The following XRN1 variants were observed in gnomAD, a reference collection of about 807,000 sequenced individuals.
XRN1 encodes strand-exchange protein 1 homolog.
Under a neutral mutation model 222.3 loss-of-function variants are expected in XRN1, and 67 were observed. That is an observed-to-expected ratio of 0.30 (90% confidence interval 0.25 to 0.37). XRN1 has a LOEUF of 0.37. Among genes scored for constraint, XRN1 ranks in the 10% least tolerant of loss-of-function variants. The pLI is 1.00. For synonymous variants in XRN1, 643 were observed against 652.4 expected (o/e 0.99, Z 0.22); for missense variants, 1,707 against 2,000.2 (o/e 0.85, Z 2.80).
At chr3:142,361,590 T>G (rs549312841) in intron 29 of XRN1, among the ~76,000 whole-genome samples, 10 of 152,350 alleles carry the variant, frequency 6.6e-5, no homozygotes, top group African/African-American at 2.4e-4. Context: ...CCCTATATCA[T>G]TGTCAACACT....
chr3:142,313,883 T>C (rs1305617759), intron 39 of XRN1, among the ~76,000 whole-genome samples: 1 of 152,126 alleles, frequency 6.6e-6, no homozygotes, highest in African/African-American at 2.4e-5. Flanking sequence ...GAGGTTGCAG[T>C]GAGCCAAGAT....
At chr3:142,385,570 G>A (rs911807982) in intron 20 of XRN1, among the ~76,000 whole-genome samples, 5 of 152,072 alleles carry the variant, frequency 3.3e-5, no homozygotes, top group East Asian at 3.9e-4. Context: ...CTGCTTTTGC[G>A]CTACATGGTA....
chr3:142,401,579 G>A (rs938360268), intron 18 of XRN1, among the ~76,000 whole-genome samples: 3 of 152,038 alleles, frequency 2.0e-5, no homozygotes, highest in African/African-American at 4.8e-5. Flanking sequence ...TTGGCCAAGC[G>A]TGGTGACAGG....
intron 39 of XRN1, among the ~76,000 whole-genome samples, chr3:142,316,850 T>C (rs2065223783): frequency 6.6e-6 from 1 of 152,100 alleles, no homozygotes. Flanking sequence ...GGAGGACTGC[T>C]TGAGTCCACG....
rs566554014 is a variant in XRN1, at chr3:142,369,929, C to G, written c.3204+556G>C. 1.2e-4 allele frequency among the ~76,000 whole-genome samples: 18 copies of G among 151,630 alleles called. No homozygotes were observed. In the South Asian group the frequency reaches 2.1e-3, roughly 18 times the overall value. On this transcript the variant is annotated intron_variant, in intron 27 of 40. Coordinates refer to ENST00000392981, the MANE Select transcript of XRN1 (RefSeq NM_001282857.2). ...GGGTATGGTGGCAGGCGCCTGTAAT[C>G]CCAGCTACTCAGGAGGCTGAGGCAG... is the stretch of plus-strand genomic sequence containing the variant.
chr3:142,367,495 T>C (rs1261716974), intron 27 of XRN1, among the ~76,000 whole-genome samples: 2 of 152,164 alleles, frequency 1.3e-5, no homozygotes, highest in African/African-American at 2.4e-5. Flanking sequence ...ACCAGTAATT[T>C]TGATAATTAG....
rs748535037 is a variant in XRN1 at position 142,329,543 on chromosome 3, G to A, written c.4295C>T (p.Pro1432Leu). 3.7e-6 allele frequency: 6 copies of A among 1,600,974 alleles called. No homozygotes were observed. The African/African-American group carries it at 5.4e-5, about 14-fold the overall frequency. ...TACAGGAGGGATCTGGCTGGGGGCA[G>A]GCCAACACATATTGTCCATAGACTG... ...NVQSMDNMCW[P>L]APSQIPPVST... is the part of the protein sequence containing the mutation. Residue 1432 changes from proline to leucine, a missense_variant, in exon 37 of 41, where the codon CCT (proline) becomes CTT (leucine). Pro to Leu is a moderately conservative substitution (Grantham distance 98, BLOSUM62 -3). Coordinates refer to ENST00000392981, the MANE Select transcript of XRN1 (RefSeq NM_001282857.2).
intron 20 of XRN1, among the ~76,000 whole-genome samples, chr3:142,388,608 G>C (rs1234950088): frequency 6.6e-6 from 1 of 152,188 alleles, no homozygotes; most frequent in East Asian, 1.9e-4. Context: ...TGATTAGTCA[G>C]GGCAGTGGCC....
At chr3:142,352,108 G>A (rs541924137) in intron 32 of XRN1, among the ~76,000 whole-genome samples, 244 of 152,094 alleles carry the variant, frequency 1.6e-3, no homozygotes, top group Non-Finnish European at 2.6e-3. Context: ...ACTTTAGATC[G>A]TCATCCTTGG....
At chr3:142,416,508 G>T (rs2108083527) in intron 13 of XRN1, among the ~76,000 whole-genome samples, 1 of 152,260 alleles carries the variant, frequency 6.6e-6, no homozygotes, top group South Asian at 2.1e-4. Context: ...TCTTGATAGA[G>T]AATTTTTTAG....
chr3:142,421,512 T>C lies in XRN1; in HGVS notation c.999A>G (p.Leu333=). Residue 333 remains leucine (L), a synonymous_variant, in exon 9 of 41, where the codon TTA becomes TTG. Coordinates refer to ENST00000392981, the MANE Select transcript of XRN1 (RefSeq NM_001282857.2). The part of the protein sequence containing the change: ...GYINESGHLN[L]PRFEKYLVKL... ...TCACAAGGTATTTCTCAAATCGAGG[T>C]AAGTTGAGGTGCCCACTTTCATTAA... The C allele has an allele frequency of 6.2e-7, 1 of 1,610,280 alleles. No homozygotes were observed. The highest frequency in any genetic ancestry group is 8.5e-7 in the Non-Finnish European group (1 of 1,178,524).
intron 37 of XRN1, among the ~76,000 whole-genome samples, chr3:142,328,958 T>C (rs1268103622): frequency 6.6e-6 from 1 of 151,384 alleles, no homozygotes; most frequent in African/African-American, 2.4e-5. Context: ...GAGGTCTTGC[T>C]ATGTTGCCCA....
intron 13 of XRN1, among the ~76,000 whole-genome samples, chr3:142,414,649 C>A (rs931187634): frequency 1.3e-5 from 2 of 152,116 alleles, no homozygotes; most frequent in African/African-American, 4.8e-5. Context: ...GCGCCTGCCA[C>A]TATGCCAGGC....
intron 13 of XRN1, among the ~76,000 whole-genome samples, chr3:142,414,687 G>A (rs1167353094): frequency 6.6e-6 from 1 of 151,924 alleles, no homozygotes; most frequent in Non-Finnish European, 1.5e-5. Context: ...AGTAGAGACG[G>A]GGTTTCACCT....
chr3:142,427,895 A>G (rs2069328383), intron 2 of XRN1, among the ~76,000 whole-genome samples: 1 of 152,192 alleles, frequency 6.6e-6, no homozygotes, highest in Non-Finnish European at 1.5e-5. Flanking sequence ...GCCCCACACA[A>G]TTCTATTTCT....
chr3:142,432,624 C>T, intron 2 of XRN1, 37 bp downstream of exon 2: 1 of 1,465,020 alleles, frequency 6.8e-7, no homozygotes. Flanking sequence ...TTTTACTAAG[C>T]TAAATAATAT....
At chr3:142,432,264 T>A (rs2069661154) in intron 2 of XRN1, among the ~76,000 whole-genome samples, 2 of 134,186 alleles carry the variant, frequency 1.5e-5, no homozygotes, top group African/African-American at 5.7e-5. Context: ...TATATATATA[T>A]AAAAAATTAG....
rs149638821 is a variant in XRN1 at position 142,375,815 on chromosome 3, C to G, written c.2961G>C (p.Leu987=). Residue 987 remains leucine, a synonymous_variant, in exon 25 of 41, where the codon CTG becomes CTC. Coordinates refer to ENST00000392981, the MANE Select transcript of XRN1 (RefSeq NM_001282857.2). ...WMYSSAAEQL[L]AEYLERAPEL... is the part of the protein sequence containing the mutation. Reference sequence around the variant, plus strand: ...GTACTTACCTCTCTAAGTACTCTGCCAGAAGTTGTTCTGCTGCAGATGAAT... The same window carrying G: ...GTACTTACCTCTCTAAGTACTCTGCGAGAAGTTGTTCTGCTGCAGATGAAT... The G allele has an allele frequency of 1.2e-6, 2 of 1,613,532 alleles. No individual in the cohort carries two copies. Among genetic ancestry groups the G allele is most frequent in the Middle Eastern group, 1.7e-4 (1 of 6,056 alleles).
chr3:142,352,469 C>T (rs1272705160), intron 32 of XRN1, among the ~76,000 whole-genome samples: 2 of 152,060 alleles, frequency 1.3e-5, no homozygotes, highest in Non-Finnish European at 2.9e-5. Flanking sequence ...TAAGTTATGA[C>T]ATATACACTA....
Sources: allele counts gnomAD v4.1 joint callset (sites outside exome capture counted in the v4.1 genomes callset), GRCh38; gene constraint gnomAD v4.1.1; transcripts MANE v1.5; gene names NCBI Gene and HGNC (gene_info 2026-07-23, HGNC 2026-07-21).